Variants in SORCS3 observed in about 807,000 individuals in gnomAD.
The protein encoded by SORCS3 is sortilin related VPS10 domain containing receptor 3.
Under a neutral mutation model 146.3 loss-of-function variants are expected in SORCS3, and 57 were observed. The ratio of observed to expected loss-of-function variants is 0.39; its 90% CI spans 0.31 to 0.49. The LOEUF (loss-of-function observed/expected upper bound fraction) is 0.49. Among genes scored for constraint, SORCS3 ranks in the 20% least tolerant of loss-of-function variants. The pLI is 0.92. For missense variants in SORCS3, 1,341 were observed against 1,575.5 expected (o/e 0.85, Z 2.52); for synonymous variants, 653 against 618.5 (o/e 1.06, Z -0.83).
At chr10:104,969,180 C>A (rs1450384083) in intron 3 of SORCS3, among the ~76,000 whole-genome samples, 1 of 152,104 alleles carries the variant, frequency 6.6e-6, no homozygotes, top group Non-Finnish European at 1.5e-5. Context: ...TGAGCACCTA[C>A]AACTAACCTA....
intron 1 of SORCS3, among the ~76,000 whole-genome samples, chr10:104,814,218 TTC>T (rs2017771584): frequency 2.0e-5 from 3 of 152,158 alleles, no homozygotes; most frequent in African/African-American, 7.2e-5. Context: ...GTGACCTGCC[TTC>T]TGTTTCCTCT....
rs575544942 is a variant in SORCS3 at position 104,652,766 on chromosome 10, G to A, written c.627+10812G>A. The stretch of plus-strand genomic sequence containing the variant: ...AAACATTTGCCCCAGGTTGTGACCT[G>A]TATTGATTGCTCTGCCTTACTCTTT... On this transcript the variant is annotated intron_variant, in intron 1 of 26. Coordinates refer to ENST00000369701, the MANE Select transcript of SORCS3 (RefSeq NM_014978.3). 1.3e-4 allele frequency among the ~76,000 whole-genome samples: 20 copies of A among 152,302 alleles called. No homozygotes were observed. The Middle Eastern group carries it at 0.014, about 104-fold the overall frequency.
intron 3 of SORCS3, among the ~76,000 whole-genome samples, chr10:104,929,811 G>A (rs2019188965): frequency 1.3e-5 from 2 of 152,214 alleles, no homozygotes. Context: ...TGGCATGACT[G>A]CTAAGGGAAT....
intron 4 of SORCS3, among the ~76,000 whole-genome samples, chr10:105,040,121 C>T (rs1313531939): frequency 6.6e-6 from 1 of 152,096 alleles, no homozygotes; most frequent in African/African-American, 2.4e-5. Flanking sequence ...AGGTACCTGT[C>T]ATAGGAAGGA....
intron 2 of SORCS3, among the ~76,000 whole-genome samples, chr10:104,858,360 GTA>G (rs2018357631): frequency 6.6e-6 from 1 of 152,036 alleles, no homozygotes; most frequent in South Asian, 2.1e-4. Flanking sequence ...CTAAAAGTTT[GTA>G]TGTTATCAAA....
At chr10:105,235,722 C>T (rs140565176) in intron 20 of SORCS3, among the ~76,000 whole-genome samples, 161 of 151,860 alleles carry the variant, frequency 1.1e-3, no homozygotes, top group African/African-American at 3.4e-3. Flanking sequence ...GGAGGCAGCA[C>T]GATATAGTGG....
At chr10:105,217,144 C>T (rs376227409) in intron 19 of SORCS3, 22 bp downstream of exon 19, 40 of 1,611,202 alleles carry the variant, frequency 2.5e-5, no homozygotes, top group Middle Eastern at 1.8e-4. Flanking sequence ...GCACCATCCC[C>T]GTTTTCCCTT....
intron 7 of SORCS3, among the ~76,000 whole-genome samples, chr10:105,134,065 T>C (rs2056041075): frequency 6.6e-6 from 1 of 152,102 alleles, no homozygotes. Flanking sequence ...TTTTAAAAAG[T>C]TTTTCACAAA....
chr10:105,153,647 G>GTA (rs1438680719), intron 9 of SORCS3, among the ~76,000 whole-genome samples: 1 of 63,380 alleles, frequency 1.6e-5, no homozygotes, highest in Non-Finnish European at 2.7e-5. Context: ...GTGTGTGTAT[G>GTA]TGTGTGTGTG....
intron 1 of SORCS3, among the ~76,000 whole-genome samples, chr10:104,661,791 C>T (rs977229010): frequency 1.3e-5 from 2 of 152,010 alleles, no homozygotes; most frequent in South Asian, 2.1e-4. Context: ...GTACTGTGAT[C>T]GATGATGAAC....
At chr10:104,743,112 G>C (rs980044561) in intron 1 of SORCS3, among the ~76,000 whole-genome samples, 3 of 152,152 alleles carry the variant, frequency 2.0e-5, no homozygotes, top group African/African-American at 7.2e-5. Flanking sequence ...GGAGCTCAAA[G>C]AGATGAAAAT....
chr10:104,694,920 T>A (rs141559008), intron 1 of SORCS3, among the ~76,000 whole-genome samples: 47 of 152,296 alleles, frequency 3.1e-4, no homozygotes, highest in Non-Finnish European at 5.9e-4. Context: ...TAGGTTGTAT[T>A]TTATTAGTTT....
intron 4 of SORCS3, among the ~76,000 whole-genome samples, chr10:105,034,808 G>T (rs1288447382): frequency 1.3e-5 from 2 of 152,172 alleles, no homozygotes; most frequent in African/African-American, 4.8e-5. Context: ...TTGGAAGTAT[G>T]ACACTGCCTA....
In SORCS3 at chr10:104,991,146, G is replaced by A. The variant is rs138587971; in HGVS notation, c.954+13653G>A. ...ACTCCAGTTTCCATTGATCCCTGTG[G>A]TCCTGAAATAAGAAAAGTTTCTCCT... On this transcript the variant is annotated intron_variant, in intron 4 of 26. Transcript: ENST00000369701. 3.5e-3 allele frequency among the ~76,000 whole-genome samples: 540 copies of A among 152,146 alleles called. 4 individuals are homozygous for A. The highest frequency in any genetic ancestry group is 0.012 in the African/African-American group (513 of 41,502).
intron 1 of SORCS3, among the ~76,000 whole-genome samples, chr10:104,687,015 A>G (rs558384493): frequency 1.2e-4 from 18 of 152,028 alleles, no homozygotes; most frequent in African/African-American, 3.6e-4. Context: ...CCATCTATCT[A>G]TTCATCCATC....
At chr10:104,650,433 C>T (rs543397364) in intron 1 of SORCS3, among the ~76,000 whole-genome samples, 57 of 152,280 alleles carry the variant, frequency 3.7e-4, no homozygotes, top group African/African-American at 1.3e-3. Context: ...CATTTGGCAG[C>T]AGGACAGTTT....
At chr10:104,820,417 G>A (rs577604781) in intron 1 of SORCS3, among the ~76,000 whole-genome samples, 2 of 152,242 alleles carry the variant, frequency 1.3e-5, no homozygotes, top group East Asian at 1.9e-4. Context: ...ATTAACAGAT[G>A]TTTATAAACA....
intron 1 of SORCS3, among the ~76,000 whole-genome samples, chr10:104,837,243 G>T (rs1446899613): frequency 6.6e-6 from 1 of 152,156 alleles, no homozygotes; most frequent in Non-Finnish European, 1.5e-5. Context: ...GACATACAGA[G>T]AAATCATATT....
intron 1 of SORCS3, among the ~76,000 whole-genome samples, chr10:104,658,564 A>G (rs914966702): frequency 1.3e-5 from 2 of 152,214 alleles, no homozygotes; most frequent in Non-Finnish European, 2.9e-5. Context: ...TATGTTGGCC[A>G]TGGTGGTCTC....
Sources: gnomAD v4.1 joint callset for allele counts (sites outside exome capture counted in the v4.1 genomes callset) on GRCh38, gnomAD v4.1.1 for gene constraint, MANE v1.5 for transcripts, NCBI Gene and HGNC (gene_info 2026-07-23, HGNC 2026-07-21) for gene names.